Variants in SPINK8 observed in about 807,000 individuals in gnomAD.
SPINK8 encodes the protein serine peptidase inhibitor Kazal type 8 (putative), also known as serine protease inhibitor Kazal-type 8.
A neutral mutation model predicts 14.4 loss-of-function variants in SPINK8; 12 were observed. That is an observed-to-expected ratio of 0.83 (90% confidence interval 0.53 to 1.35). The LOEUF (loss-of-function observed/expected upper bound fraction) is 1.35. SPINK8 is among the 40% of genes most tolerant of loss of function. The probability of loss-of-function intolerance (pLI) is 0.00; values close to 1 mark genes in which losing one functional copy is unlikely to be tolerated. For synonymous variants in SPINK8, 32 were observed against 37.6 expected (o/e 0.85, Z 0.55); for missense variants, 103 against 117.0 (o/e 0.88, Z 0.55).
intron 4 of SPINK8, among the ~76,000 whole-genome samples, chr3:48,322,943 T>C: frequency 6.6e-6 from 1 of 152,192 alleles, no homozygotes; most frequent in South Asian, 2.1e-4. Flanking sequence ...CTTAAGTATA[T>C]ACAAAGTGTG....
chr3:48,323,277 T>C (rs574688716), intron 4 of SPINK8, among the ~76,000 whole-genome samples: 42 of 152,230 alleles, frequency 2.8e-4, no homozygotes, highest in Admixed American at 1.5e-3. Context: ...CCCGAGTAGC[T>C]GGGATTACAG....
At chr3:48,313,624 A>T (rs2035951209) in intron 6 of SPINK8, among the ~76,000 whole-genome samples, 1 of 152,262 alleles carries the variant, frequency 6.6e-6, no homozygotes, top group Non-Finnish European at 1.5e-5. Context: ...GTATATAACC[A>T]GAAGGCTGAA....
intron 2 of SPINK8, among the ~76,000 whole-genome samples, chr3:48,329,972 A>G (rs1317444334): frequency 6.6e-6 from 1 of 152,228 alleles, no homozygotes; most frequent in Non-Finnish European, 1.5e-5. Flanking sequence ...AAATTTCTCA[A>G]AACGCTAACA....
chr3:48,311,107 T>C (rs1057135666), intron 6 of SPINK8, among the ~76,000 whole-genome samples: 1 of 151,882 alleles, frequency 6.6e-6, no homozygotes, highest in Non-Finnish European at 1.5e-5. Flanking sequence ...TTTAATAATA[T>C]CACATTAATA....
At position 48,313,007 on chromosome 3, in the gene SPINK8, AAAG is replaced by A. The variant is rs2035943136; in HGVS notation, c.240-3064_240-3062del. On this transcript the variant is annotated intron_variant, in intron 6 of 7. Coordinates refer to ENST00000434006, the MANE Select transcript of SPINK8 (RefSeq NM_001080525.3). ...GTCAGACTCTGTCTCAAAAAAAAAA[AAAG>A]ATCAATGGGCTAAAACTACTAAACT... is the stretch of plus-strand genomic sequence containing the variant. 7.9e-5 allele frequency among the ~76,000 whole-genome samples: 12 copies of A among 152,236 alleles called. No individual in the cohort carries two copies. In the South Asian group the frequency reaches 2.5e-3, roughly 32 times the overall value.
chr3:48,308,662 A>G (rs1474778367), intron 7 of SPINK8, among the ~76,000 whole-genome samples: 1 of 152,074 alleles, frequency 6.6e-6, no homozygotes, highest in Non-Finnish European at 1.5e-5. Context: ...TACTGATGTG[A>G]TATCTTCCTT....
At chr3:48,319,834 A>G (rs1295537228) in intron 5 of SPINK8, among the ~76,000 whole-genome samples, 2 of 152,180 alleles carry the variant, frequency 1.3e-5, no homozygotes, top group Admixed American at 6.5e-5. Flanking sequence ...CCAGACTCCC[A>G]TAAATTCTTT....
chr3:48,316,082 T>C (rs1255107718), intron 6 of SPINK8, among the ~76,000 whole-genome samples: 1 of 152,072 alleles, frequency 6.6e-6, no homozygotes, highest in Admixed American at 6.5e-5. Context: ...TCAATTCAAA[T>C]TGGGAAAAAA....
chr3:48,324,993 AT>A (rs1487656604), intron 4 of SPINK8, among the ~76,000 whole-genome samples: 4 of 152,314 alleles, frequency 2.6e-5, no homozygotes, highest in Non-Finnish European at 5.9e-5. Flanking sequence ...ATATATGTTC[AT>A]AATTGTTTTA....
At chr3:48,331,511 T>G (rs1300082939) in intron 2 of SPINK8, among the ~76,000 whole-genome samples, 1 of 152,228 alleles carries the variant, frequency 6.6e-6, no homozygotes, top group Non-Finnish European at 1.5e-5. Flanking sequence ...TCCTGATATT[T>G]GATAGGTGTT....
intron 4 of SPINK8, among the ~76,000 whole-genome samples, chr3:48,324,653 ATTACT>A (rs2036116159): frequency 1.3e-5 from 2 of 152,200 alleles, no homozygotes; most frequent in African/African-American, 4.8e-5. Context: ...TAGTAGAAAA[ATTACT>A]TTACATGATT....
At chr3:48,333,363 C>T (rs929593863) in intron 1 of SPINK8, among the ~76,000 whole-genome samples, 172 bp downstream of exon 1, 85 of 151,924 alleles carry the variant, frequency 5.6e-4, no homozygotes, top group African/African-American at 2.0e-3. Context: ...ATCTTAGGGG[C>T]GTTTTTGCCT....
At chr3:48,314,344 A>G (rs1041857621) in intron 6 of SPINK8, among the ~76,000 whole-genome samples, 1 of 152,184 alleles carries the variant, frequency 6.6e-6, no homozygotes, top group African/African-American at 2.4e-5. Context: ...TTAAAAAAAA[A>G]AAAATCAAAC....
At chr3:48,327,688 G>GT (rs1310631873) in intron 4 of SPINK8, among the ~76,000 whole-genome samples, 1 of 152,142 alleles carries the variant, frequency 6.6e-6, no homozygotes, top group Non-Finnish European at 1.5e-5. Flanking sequence ...TGTTTTTTAC[G>GT]TAAGATATGA....
chr3:48,314,618 A>T (rs993615440), intron 6 of SPINK8, among the ~76,000 whole-genome samples: 13 of 152,174 alleles, frequency 8.5e-5, no homozygotes, highest in Non-Finnish European at 1.5e-4. Flanking sequence ...GTTCTCTGAA[A>T]GACCCATTTG....
chr3:48,321,769 G>A (rs917749329), intron 4 of SPINK8, among the ~76,000 whole-genome samples: 5 of 151,496 alleles, frequency 3.3e-5, no homozygotes, highest in African/African-American at 9.7e-5. Context: ...AGCCAAGATC[G>A]CACCATTACA....
At chr3:48,324,747 G>T (rs1008558424) in intron 4 of SPINK8, among the ~76,000 whole-genome samples, 24 of 152,150 alleles carry the variant, frequency 1.6e-4, no homozygotes, top group African/African-American at 5.8e-4. Context: ...ATGTGCACCT[G>T]AGCAGTATGT....
rs551586204 is a variant in SPINK8, at chr3:48,326,465, G to C, written c.67+1810C>G. On this transcript the variant is annotated intron_variant, in intron 4 of 7. Transcript: ENST00000434006. ...TCTACTAAAATACAAAAATTAGCTG[G>C]GCATGATGGCAGATGCCTGTAATCC... Among the ~76,000 whole-genome samples the C allele has an allele frequency of 2.0e-5, 3 of 152,162 alleles. No homozygotes were observed. In the East Asian group the frequency reaches 5.8e-4, roughly 29 times the overall value.
intron 4 of SPINK8, among the ~76,000 whole-genome samples, chr3:48,327,948 T>C (rs1219278467): frequency 6.6e-6 from 1 of 152,212 alleles, no homozygotes; most frequent in Non-Finnish European, 1.5e-5. Context: ...TACTTCCACA[T>C]AGTCTAATGA....
Sources: allele counts gnomAD v4.1 joint callset (sites outside exome capture counted in the v4.1 genomes callset), GRCh38; gene constraint gnomAD v4.1.1; transcripts MANE v1.5; gene names NCBI Gene and HGNC (gene_info 2026-07-23, HGNC 2026-07-21).